The following CAST variants were observed in gnomAD, a reference collection of about 807,000 sequenced individuals.
The protein encoded by CAST is MIR583 host.
In CAST, 76 loss-of-function variants were observed where a neutral mutation model predicts 119.6. That is an observed-to-expected ratio of 0.64 (90% CI 0.53 to 0.77). The LOEUF is 0.77. Ranked by LOEUF, CAST falls within the 30% of genes least tolerant of loss-of-function variation. The pLI, the probability that CAST is intolerant of heterozygous loss-of-function variation, is 0.00. For synonymous variants in CAST, 319 were observed against 331.6 expected (o/e 0.96, Z 0.41); for missense variants, 953 against 946.5 (o/e 1.01, Z -0.09).
intron 19 of CAST, among the ~76,000 whole-genome samples, chr5:96,750,220 A>G (rs1764699431): frequency 1.3e-5 from 2 of 152,222 alleles, no homozygotes; most frequent in African/African-American, 4.8e-5. Context: ...ATAATTGCTC[A>G]AATGTATTGA....
At chr5:96,522,758 C>T (rs776601980), upstream of CAST, among the ~76,000 whole-genome samples, 8 of 152,160 alleles carry the variant, frequency 5.3e-5, no homozygotes, top group Non-Finnish European at 1.0e-4. Context: ...TGCCTGCCTG[C>T]CTGCAGACTT....
chr5:96,134,290 G>C, the CAST span, among the ~76,000 whole-genome samples: 575 of 152,270 alleles, frequency 3.8e-3, 2 homozygotes, highest in African/African-American at 5.5e-3. Context: ...ACCCCATAGA[G>C]TTTCTCTAAC....
intron 1 of CAST, among the ~76,000 whole-genome samples, chr5:96,667,049 G>C (rs1749434872): frequency 6.6e-6 from 1 of 152,124 alleles, no homozygotes; most frequent in Admixed American, 6.5e-5. Context: ...CCACCATAAA[G>C]GCGGGGGGCA....
the CAST span, among the ~76,000 whole-genome samples, chr5:96,341,691 G>A: frequency 6.6e-6 from 1 of 152,066 alleles, no homozygotes; most frequent in Non-Finnish European, 1.5e-5. Context: ...AGTATCCTCT[G>A]TCATAATAAA....
the CAST span, among the ~76,000 whole-genome samples, chr5:95,969,975 C>T: frequency 6.6e-6 from 1 of 152,146 alleles, no homozygotes; most frequent in African/African-American, 2.4e-5. Context: ...TGGCAACACA[C>T]TTCCTTCTTA....
At chr5:96,302,587 G>C in the CAST span, among the ~76,000 whole-genome samples, 16 of 152,154 alleles carry the variant, frequency 1.1e-4, no homozygotes, top group African/African-American at 3.9e-4. Context: ...AAGCAACCAG[G>C]TCAGTTCTTG....
chr5:96,767,328 A>C, intron 27 of CAST, 110 bp from the exon 28 acceptor site: 1 of 798,806 alleles, frequency 1.3e-6, no homozygotes, highest in Non-Finnish European at 2.1e-6. Context: ...GCAAGTCTAC[A>C]CTCCATTTTA....
At chr5:96,299,281 AC>A in the CAST span, among the ~76,000 whole-genome samples, 4 of 149,266 alleles carry the variant, frequency 2.7e-5, no homozygotes, top group South Asian at 4.2e-4. Context: ...AACAACAACA[AC>A]AACAACAACA....
At chr5:96,432,254 C>T in the CAST span, 11 of 810,996 alleles carry the variant, frequency 1.4e-5, no homozygotes, top group African/African-American at 1.7e-4. Context: ...TGTCTTTCAC[C>T]CACCATTTCT....
chr5:96,205,562 T>C, the CAST span, among the ~76,000 whole-genome samples: 1,407 of 152,140 alleles, frequency 9.2e-3, 13 homozygotes, highest in African/African-American at 0.032. Flanking sequence ...TGAGAACATT[T>C]GGTGTTTGGT....
chr5:96,506,659 A>G, the CAST span, among the ~76,000 whole-genome samples: 2 of 18,708 alleles, frequency 1.1e-4, no homozygotes, highest in South Asian at 5.5e-3. Flanking sequence ...TCCTCCCACT[A>G]TGAGGAGGTC....
the CAST span, among the ~76,000 whole-genome samples, chr5:96,018,516 G>T: frequency 4.4e-4 from 67 of 152,280 alleles, no homozygotes; most frequent in African/African-American, 1.5e-3. Flanking sequence ...TTGACCTCTG[G>T]AAATTAAATA....
At chr5:96,429,312 A>C in the CAST span, 1 of 1,526,566 alleles carries the variant, frequency 6.6e-7, no homozygotes, top group East Asian at 2.3e-5. Flanking sequence ...TTTCAAGTGA[A>C]CCAATCTATA....
upstream of CAST, among the ~76,000 whole-genome samples, chr5:96,528,556 G>A (rs1006425086): frequency 7.9e-5 from 12 of 152,186 alleles, no homozygotes; most frequent in African/African-American, 2.9e-4. Context: ...CTCACAAGAT[G>A]GTGGGGGACA....
the CAST span, among the ~76,000 whole-genome samples, chr5:96,394,407 A>T: frequency 1.1e-4 from 16 of 152,158 alleles, no homozygotes; most frequent in African/African-American, 3.6e-4. Context: ...TGAATTAATA[A>T]AAAGAAGCCT....
chr5:96,536,241 C>T (rs1387430551), intron 1 of CAST, among the ~76,000 whole-genome samples: 4 of 151,926 alleles, frequency 2.6e-5, no homozygotes, highest in Non-Finnish European at 5.9e-5. Context: ...CGCCTGTAAT[C>T]CCAGTTACTA....
At chr5:96,380,493 T>A in the CAST span, among the ~76,000 whole-genome samples, 1 of 152,264 alleles carries the variant, frequency 6.6e-6, no homozygotes, top group East Asian at 1.9e-4. Flanking sequence ...TCATCGAACA[T>A]CATTTTTACT....
At chr5:96,062,925 T>C in the CAST span, among the ~76,000 whole-genome samples, 1 of 152,020 alleles carries the variant, frequency 6.6e-6, no homozygotes, top group Non-Finnish European at 1.5e-5. Flanking sequence ...GAATGAGGGC[T>C]CAAGAAGAGG....
the CAST span, among the ~76,000 whole-genome samples, chr5:96,154,093 T>C: frequency 6.6e-6 from 1 of 151,946 alleles, no homozygotes; most frequent in Non-Finnish European, 1.5e-5. Flanking sequence ...CTGGCTAAAA[T>C]GGTGAAACCC....
Sources: allele counts gnomAD v4.1 joint callset (sites outside exome capture counted in the v4.1 genomes callset), GRCh38; gene constraint gnomAD v4.1.1; transcripts MANE v1.5; gene names NCBI Gene and HGNC (gene_info 2026-07-23, HGNC 2026-07-21).